Variants in CSMD1 observed in about 807,000 individuals in gnomAD.
CSMD1 encodes CUB and sushi domain-containing protein 1.
A neutral mutation model predicts 417.5 loss-of-function variants in CSMD1; 213 were observed. The observed-to-expected ratio is 0.51, with a 90% CI of 0.46 to 0.57. CSMD1 has a LOEUF of 0.57. Among genes scored for constraint, CSMD1 ranks in the 20% least tolerant of loss-of-function variants. The pLI is 0.00. For synonymous variants in CSMD1, 2,862 were observed against 1,736.8 expected (o/e 1.65, Z -16.11); for missense variants, 6,923 against 4,529.7 (o/e 1.53, Z -15.17).
At chr8:4,234,453 TTC>T (rs1801927557) in intron 3 of CSMD1, among the ~76,000 whole-genome samples, 1 of 152,084 alleles carries the variant, frequency 6.6e-6, no homozygotes, top group African/African-American at 2.4e-5. Flanking sequence ...AGACGTCCAT[TTC>T]TCTGTGTGGC....
intron 1 of CSMD1, among the ~76,000 whole-genome samples, chr8:4,729,922 T>C (rs986108105): frequency 6.6e-6 from 1 of 152,192 alleles, no homozygotes; most frequent in Non-Finnish European, 1.5e-5. Flanking sequence ...TTGATTTTCA[T>C]CCTTTCCATG....
intron 3 of CSMD1, among the ~76,000 whole-genome samples, chr8:4,237,670 C>A (rs1802149809): frequency 6.6e-6 from 1 of 152,118 alleles, no homozygotes; most frequent in African/African-American, 2.4e-5. Flanking sequence ...TGTGCACCAC[C>A]ATGCCCAGCT....
intron 18 of CSMD1, among the ~76,000 whole-genome samples, chr8:3,377,178 T>G (rs1202349216): frequency 1.3e-5 from 2 of 152,008 alleles, no homozygotes; most frequent in African/African-American, 4.8e-5. Context: ...CCAGCTAATT[T>G]TTGTGTTTTT....
At chr8:3,922,053 T>A (rs1433030747) in intron 5 of CSMD1, among the ~76,000 whole-genome samples, 1 of 152,210 alleles carries the variant, frequency 6.6e-6, no homozygotes, top group African/African-American at 2.4e-5. Flanking sequence ...GCTATATATG[T>A]AGGTGCTACA....
At chr8:4,670,054 C>G (rs964457708) in intron 1 of CSMD1, among the ~76,000 whole-genome samples, 6 of 152,152 alleles carry the variant, frequency 3.9e-5, no homozygotes, top group African/African-American at 1.4e-4. Context: ...AGGAGAAACT[C>G]TGTAGAAAGG....
intron 3 of CSMD1, among the ~76,000 whole-genome samples, chr8:4,338,962 A>C (rs1346646188): frequency 6.6e-6 from 1 of 152,148 alleles, no homozygotes; most frequent in Admixed American, 6.6e-5. Flanking sequence ...AGGTCTGGGC[A>C]TACAGTCAAT....
intron 5 of CSMD1, among the ~76,000 whole-genome samples, chr8:3,794,281 T>C (rs1799918554): frequency 6.6e-6 from 1 of 152,290 alleles, no homozygotes; most frequent in East Asian, 1.9e-4. Context: ...CCCTTAGTAT[T>C]CCTAGGTGTA....
At chr8:3,330,862 T>C (rs1806846548) in intron 23 of CSMD1, among the ~76,000 whole-genome samples, 1 of 152,208 alleles carries the variant, frequency 6.6e-6, no homozygotes, top group African/African-American at 2.4e-5. Context: ...AGCAAAACTG[T>C]TTTTATTTTT....
intron 1 of CSMD1, among the ~76,000 whole-genome samples, chr8:4,849,016 C>T (rs1482980158): frequency 6.6e-6 from 1 of 151,838 alleles, no homozygotes; most frequent in East Asian, 1.9e-4. Context: ...GCGTTGTCAT[C>T]CTAGGAGATG....
chr8:3,559,883 A>C (rs1799395374), intron 10 of CSMD1, among the ~76,000 whole-genome samples: 1 of 152,186 alleles, frequency 6.6e-6, no homozygotes, highest in African/African-American at 2.4e-5. Context: ...TGAGAATGGA[A>C]GAGGGGTTGA....
At chr8:3,371,883 A>C (rs1809975747) in intron 18 of CSMD1, among the ~76,000 whole-genome samples, 1 of 152,246 alleles carries the variant, frequency 6.6e-6, no homozygotes, top group African/African-American at 2.4e-5. Context: ...TGAAAGAAGT[A>C]ACATTATACA....
intron 5 of CSMD1, among the ~76,000 whole-genome samples, chr8:3,803,674 C>T (rs944045607): frequency 5.3e-5 from 8 of 152,142 alleles, no homozygotes; most frequent in African/African-American, 7.2e-5. Context: ...AGTGGCACCA[C>T]GCAGAGATTT....
At chr8:4,512,256 T>C (rs1802862516) in intron 2 of CSMD1, among the ~76,000 whole-genome samples, 1 of 152,064 alleles carries the variant, frequency 6.6e-6, no homozygotes, top group African/African-American at 2.4e-5. Flanking sequence ...TCAAAAAATA[T>C]CCTCAGTAAA....
At chr8:4,711,381 T>C (rs1808286437) in intron 1 of CSMD1, among the ~76,000 whole-genome samples, 1 of 152,188 alleles carries the variant, frequency 6.6e-6, no homozygotes, top group African/African-American at 2.4e-5. Context: ...TAATGTTAAA[T>C]TGCATAGTTT....
chr8:3,557,345 G>A (rs4875240), intron 10 of CSMD1, among the ~76,000 whole-genome samples: 38,457 of 151,980 alleles, frequency 0.25, 4,972 homozygotes, highest in East Asian at 0.35. Flanking sequence ...TCTCTAGTGG[G>A]GTAAAACATT....
At chr8:3,600,544 G>T (rs550443828) in intron 8 of CSMD1, among the ~76,000 whole-genome samples, 1 of 152,238 alleles carries the variant, frequency 6.6e-6, no homozygotes, top group East Asian at 1.9e-4. Context: ...GTCATCCTGG[G>T]GATAGGGTGC....
chr8:3,729,135 C>G (rs1399293613), intron 6 of CSMD1, among the ~76,000 whole-genome samples: 1 of 152,210 alleles, frequency 6.6e-6, no homozygotes, highest in Non-Finnish European at 1.5e-5. Flanking sequence ...TTTCAGAAAA[C>G]TCACTTGTGG....
chr8:4,415,308 G>A (rs1455590226), intron 3 of CSMD1, among the ~76,000 whole-genome samples: 3 of 152,104 alleles, frequency 2.0e-5, no homozygotes, highest in Admixed American at 6.5e-5. Flanking sequence ...TCAAAGACAG[G>A]CATCTGTTTT....
At chr8:3,848,382 C>T (rs988319461) in intron 5 of CSMD1, among the ~76,000 whole-genome samples, 3 of 151,940 alleles carry the variant, frequency 2.0e-5, no homozygotes, top group African/African-American at 7.3e-5. Flanking sequence ...TTTTTTTTCT[C>T]AGCCTTCTCT....
Sources: allele counts gnomAD v4.1 joint callset (sites outside exome capture counted in the v4.1 genomes callset), GRCh38; gene constraint gnomAD v4.1.1; transcripts MANE v1.5; gene names NCBI Gene and HGNC (gene_info 2026-07-23, HGNC 2026-07-21).